The following MAP7D2 variants were observed in gnomAD, a reference collection of about 807,000 sequenced individuals.
MAP7D2 encodes MAP7 domain containing 2.
Under a neutral mutation model 63.5 loss-of-function variants are expected in MAP7D2, and 33 were observed. That is an observed-to-expected ratio of 0.52 (90% confidence interval 0.39 to 0.70). MAP7D2 has a LOEUF of 0.70. Among genes scored for constraint, MAP7D2 ranks in the 30% least tolerant of loss-of-function variants. The pLI is 0.00. For missense variants in MAP7D2, 626 were observed against 604.0 expected, an observed-to-expected ratio of 1.04 and a Z score of -0.38; for synonymous variants, 224 against 223.7, an observed-to-expected ratio of 1.00 and a Z score of -0.01.
intron 1 of MAP7D2, among the ~76,000 whole-genome samples, chrX:20,065,498 C>T (rs2065334601): frequency 9.1e-6 from 1 of 110,379 alleles, no homozygotes; most frequent in Non-Finnish European, 1.9e-5. Flanking sequence ...AACTCCTGAC[C>T]TCAGATGATT....
At chrX:20,045,220 A>G (rs1033381477) in intron 6 of MAP7D2, among the ~76,000 whole-genome samples, 32 of 111,340 alleles carry the variant, frequency 2.9e-4, no homozygotes, top group African/African-American at 1.0e-3. Context: ...TTCTGAACTT[A>G]GTCCCATGCA....
intron 8 of MAP7D2, among the ~76,000 whole-genome samples, chrX:20,038,268 T>C (rs761050957): frequency 1.9e-4 from 21 of 112,167 alleles, no homozygotes; most frequent in African/African-American, 6.5e-4. Flanking sequence ...TGTAGACCCA[T>C]GGAATGCCTT....
intron 1 of MAP7D2, among the ~76,000 whole-genome samples, chrX:20,083,512 T>TACA (rs2065829583): frequency 2.7e-5 from 3 of 112,473 alleles, no homozygotes; most frequent in Non-Finnish European, 5.6e-5. Context: ...TCCTGTGTGT[T>TACA]GCCATTCATC....
intron 4 of MAP7D2, among the ~76,000 whole-genome samples, chrX:20,053,839 C>T (rs2065008029): frequency 8.9e-6 from 1 of 111,973 alleles, no homozygotes; most frequent in African/African-American, 3.2e-5. Context: ...GACCAAATGA[C>T]AATCTTAAAT....
intron 1 of MAP7D2, among the ~76,000 whole-genome samples, chrX:20,093,385 G>T (rs752046803): frequency 8.9e-6 from 1 of 112,039 alleles, no homozygotes; most frequent in African/African-American, 3.2e-5. Flanking sequence ...GCCTGGGCGC[G>T]GTGGCTCACG....
At chrX:20,051,545 CA>C (rs1197922116) in intron 5 of MAP7D2, among the ~76,000 whole-genome samples, 4 of 68,198 alleles carry the variant, frequency 5.9e-5, no homozygotes, top group Admixed American at 1.8e-4. Context: ...GAGCCTGTCT[CA>C]AAAAAAAAAC....
At chrX:20,073,120 C>T (rs1025568664) in intron 1 of MAP7D2, among the ~76,000 whole-genome samples, 6 of 111,358 alleles carry the variant, frequency 5.4e-5, no homozygotes, top group African/African-American at 1.3e-4. Context: ...AAATCCAGAG[C>T]CTAGTTGATC....
intron 1 of MAP7D2, among the ~76,000 whole-genome samples, chrX:20,084,394 C>T (rs1252590881): frequency 9.0e-6 from 1 of 111,101 alleles, no homozygotes; most frequent in Admixed American, 9.6e-5. Flanking sequence ...AACACGATTC[C>T]CATTTGGGTG....
At chrX:20,062,462 T>C (rs1450782091) in intron 3 of MAP7D2, among the ~76,000 whole-genome samples, 1 of 110,880 alleles carries the variant, frequency 9.0e-6, no homozygotes, top group African/African-American at 3.3e-5. Flanking sequence ...ACTATGTGTG[T>C]GTTTTCGTAT....
At chrX:20,013,222 A>G (rs1388058089) in intron 13 of MAP7D2, 90 bp from the exon 14 acceptor site, 1 of 647,537 alleles carries the variant, frequency 1.5e-6, no homozygotes, top group African/African-American at 2.2e-5. Context: ...TGATATTTTG[A>G]GCCTGGACCA....
At chrX:20,075,642 C>T (rs1306608691) in intron 1 of MAP7D2, among the ~76,000 whole-genome samples, 2 of 111,210 alleles carry the variant, frequency 1.8e-5, no homozygotes, top group African/African-American at 6.5e-5. Context: ...GAGGACGAGG[C>T]AAAAAGCTGC....
At chrX:20,035,526 T>C (rs748594200) in intron 8 of MAP7D2, among the ~76,000 whole-genome samples, 2 of 111,665 alleles carry the variant, frequency 1.8e-5, no homozygotes, top group Non-Finnish European at 3.8e-5. Context: ...CATAAAAAAG[T>C]CTGGAATTTT....
At chrX:20,038,992 C>G (rs889096258) in intron 8 of MAP7D2, among the ~76,000 whole-genome samples, 5 of 111,754 alleles carry the variant, frequency 4.5e-5, no homozygotes, top group Admixed American at 2.8e-4. Context: ...TGGCCCAGAC[C>G]CTTCAGGAGT....
chrX:20,062,450 T>C (rs1957321875), intron 3 of MAP7D2, among the ~76,000 whole-genome samples: 1 of 110,795 alleles, frequency 9.0e-6, no homozygotes, highest in African/African-American at 3.3e-5. Flanking sequence ...AAGATGGGTC[T>C]GACTATGTGT....
At chrX:20,046,908 C>T (rs958255374) in intron 6 of MAP7D2, among the ~76,000 whole-genome samples, 2 of 112,581 alleles carry the variant, frequency 1.8e-5, no homozygotes, top group African/African-American at 6.4e-5. Context: ...TACAGGGATA[C>T]GGAAGGACAT....
intron 8 of MAP7D2, among the ~76,000 whole-genome samples, chrX:20,027,677 C>T (rs1425658935): frequency 1.1e-5 from 1 of 87,102 alleles, no homozygotes; most frequent in African/African-American, 4.3e-5. Flanking sequence ...TGGGGTAGGG[C>T]GGGGAGGGAG....
intron 1 of MAP7D2, among the ~76,000 whole-genome samples, chrX:20,091,652 A>G (rs762136758): frequency 1.8e-5 from 2 of 111,702 alleles, no homozygotes; most frequent in African/African-American, 6.5e-5. Context: ...GGCAGGACAG[A>G]TCTTGTTCTA....
At chrX:20,062,629 C>T (rs1160909432) in intron 3 of MAP7D2, among the ~76,000 whole-genome samples, 2 of 111,563 alleles carry the variant, frequency 1.8e-5, no homozygotes, top group Non-Finnish European at 3.8e-5. Flanking sequence ...AAAGATGAAT[C>T]ATTATACCTT....
At chrX:20,101,387 G>T (rs912763287) in intron 1 of MAP7D2, among the ~76,000 whole-genome samples, 6 of 112,058 alleles carry the variant, frequency 5.4e-5, no homozygotes, top group Non-Finnish European at 9.4e-5. Context: ...AGAAAAAATC[G>T]AATATCAAGC....
Sources: allele counts gnomAD v4.1 joint callset (sites outside exome capture counted in the v4.1 genomes callset), GRCh38; gene constraint gnomAD v4.1.1; transcripts MANE v1.5; gene names NCBI Gene and HGNC (gene_info 2026-07-23, HGNC 2026-07-21).